The following CD69 variants were observed in gnomAD, a reference collection of about 807,000 sequenced individuals.
CD69 encodes the protein CD69 molecule.
Under a neutral mutation model 21.4 loss-of-function variants are expected in CD69, and 10 were observed. The observed-to-expected ratio is 0.47, with a 90% confidence interval of 0.29 to 0.79. The LOEUF (loss-of-function observed/expected upper bound fraction) is 0.79. Ranked by LOEUF, CD69 falls within the 30% of genes least tolerant of loss-of-function variation. The pLI, the probability that CD69 is intolerant of heterozygous loss-of-function variation, is 0.09. For missense variants in CD69, 204 were observed against 236.9 expected (o/e 0.86, Z 0.91); for synonymous variants, 63 against 78.2 (o/e 0.81, Z 1.03).
intron 1 of CD69, among the ~76,000 whole-genome samples, chr12:9,758,104 G>A (rs1866696982): frequency 6.7e-6 from 1 of 149,872 alleles, no homozygotes. Context: ...GAAGGATTTA[G>A]AATAAAAATA....
Position 9,754,575 on chromosome 12 carries a change from C to T in CD69, c.491+12G>A. ...CACCCTGGGGAATATAAAGAGACTT[C>T]TGGAGACTTACCAGTTGTTAAATTC... On this transcript the variant is annotated intron_variant, in intron 4 of 4. Coordinates refer to ENST00000228434, the MANE Select transcript of CD69 (RefSeq NM_001781.2). The T allele has an allele frequency of 6.6e-7, 1 of 1,506,322 alleles. No homozygotes were observed. Among genetic ancestry groups the T allele is most frequent in the Non-Finnish European group, 9.2e-7 (1 of 1,081,854 alleles). 93.3% of individuals were successfully genotyped at this position (1,506,322 alleles called of 1,614,324 possible).
chr12:9,756,477 A>C, intron 1 of CD69, 58 bp from the exon 2 acceptor site: 1 of 1,385,514 alleles, frequency 7.2e-7, no homozygotes, highest in Non-Finnish European at 9.8e-7. Context: ...CTATAGGAAT[A>C]TGCAACATTC....
rs762487537 is a variant in CD69, at chr12:9,754,636, C to T, written c.442G>A (p.Glu148Lys). ...REEHWVGLKK[E>K]PGHPWKWSNG... is the part of the protein sequence containing the mutation. ...GACCACTTCCATGGGTGACCAGGTT[C>T]CTTTTTCAGTCCAACCCAGTGTTCC... Residue 148 changes from glutamate (E) to lysine (K), a missense_variant, in exon 4 of 5, where the codon GAA (glutamate) becomes AAA (lysine). Coordinates refer to ENST00000228434, the MANE Select transcript of CD69 (RefSeq NM_001781.2). The T allele has an allele frequency of 2.0e-5, 33 of 1,613,046 alleles. No homozygotes were observed. The East Asian group carries it at 7.4e-4, about 36-fold the overall frequency.
At chr12:9,754,799 C>G in intron 3 of CD69, 109 bp from the exon 4 acceptor site, 2 of 788,118 alleles carry the variant, frequency 2.5e-6, no homozygotes, top group Admixed American at 1.9e-5. Context: ...GCTTATCTGA[C>G]CATGTACTCA....
Position 9,753,256 on chromosome 12 carries a change from C to A in CD69, c.*225G>T, listed in dbSNP as rs1231770684. The A allele has an allele frequency of 1.9e-5, 6 of 320,234 alleles. No homozygotes were observed. Among genetic ancestry groups the A allele is most frequent in the Non-Finnish European group, 3.4e-5 (6 of 175,678 alleles). The allele number at this position is 320,234 out of a possible 1,614,324, so 19.8% of individuals were successfully genotyped here. ...ATTCTTGGGCATGGTTATTGGTCAA[C>A]CTGTGATGCTTCTAGCTCATGGCAA... On this transcript the variant is annotated 3_prime_UTR_variant, in exon 5 of 5. Coordinates refer to ENST00000228434, the MANE Select transcript of CD69 (RefSeq NM_001781.2).
At chr12:9,758,062 C>CTTTT (rs58176994) in intron 1 of CD69, among the ~76,000 whole-genome samples, 4 of 149,606 alleles carry the variant, frequency 2.7e-5, no homozygotes, top group South Asian at 2.1e-4. Context: ...AAGTAAAAGC[C>CTTTT]TTTTTTTTTC....
At chr12:9,754,511 C>A in intron 4 of CD69, 76 bp downstream of exon 4, 1 of 833,080 alleles carries the variant, frequency 1.2e-6, no homozygotes, top group Non-Finnish European at 2.1e-6. Context: ...ATTTAAAGTG[C>A]TTTGAAAGGA....
chr12:9,760,825 A>T lies in CD69; in HGVS notation c.-5T>A. On this transcript the variant is annotated 5_prime_UTR_variant, in exon 1 of 5. Transcript: ENST00000228434. ...GAAACAATTTTCAGAGCTCATCTTT[A>T]TTCTCAAGATTCCCTAGTTAATCTC... 1 of 1,608,894 alleles carries T rather than the reference A, an allele frequency of 6.2e-7. No individual in the cohort carries two copies. Among genetic ancestry groups the T allele is most frequent in the South Asian group, 1.1e-5 (1 of 91,032 alleles).
intron 4 of CD69, among the ~76,000 whole-genome samples, chr12:9,753,949 C>T (rs1439212476): frequency 2.0e-5 from 3 of 152,136 alleles, no homozygotes; most frequent in Non-Finnish European, 4.4e-5. Context: ...GTTTATGGCT[C>T]CTGAAGCCCA....
rs199676648 is a variant in CD69, at chr12:9,756,390, G to A, written c.94C>T (p.Arg32Cys). The change falls in exon 2 of 5, where the codon CGT becomes TGT. Residue 32 changes from arginine to cysteine, a missense_variant. Transcript: ENST00000228434. Reference sequence around the variant, plus strand: ...GGAACTTGGAAGGACCCTTCATGACGTGTTGAGAAATGGGGACTGGTGGCA... The same window carrying A: ...GGAACTTGGAAGGACCCTTCATGACATGTTGAGAAATGGGGACTGGTGGCA... Reference protein sequence around the residue: ...NDATSPHFSTRHEGSFQVPVL... With the variant: ...NDATSPHFSTCHEGSFQVPVL... 248 of 1,613,636 alleles carry A rather than the reference G, an allele frequency of 1.5e-4. 1 individual carries two copies. The East Asian group carries it at 2.7e-3, about 17-fold the overall frequency.
At chr12:9,758,863 C>G (rs1866703464) in intron 1 of CD69, among the ~76,000 whole-genome samples, 3 of 152,190 alleles carry the variant, frequency 2.0e-5, no homozygotes, top group South Asian at 2.1e-4. Context: ...CCCATCGGCT[C>G]AACGAGGGAG....
At chr12:9,756,794 C>T (rs753003970) in intron 1 of CD69, among the ~76,000 whole-genome samples, 56 of 152,178 alleles carry the variant, frequency 3.7e-4, no homozygotes, top group East Asian at 9.6e-4. Flanking sequence ...TAAAAAAATT[C>T]TAGGGCATGG....
intron 3 of CD69, 148 bp downstream of exon 3, chr12:9,754,914 T>C: frequency 1.4e-6 from 1 of 731,736 alleles, no homozygotes; most frequent in Non-Finnish European, 2.2e-6. Flanking sequence ...AGGCTGATCA[T>C]ATGGTTCTCT....
At chr12:9,754,812 C>CTA in intron 3 of CD69, 122 bp from the exon 4 acceptor site, 2 of 749,058 alleles carry the variant, frequency 2.7e-6, no homozygotes, top group Non-Finnish European at 4.7e-6. Flanking sequence ...TGTACTCATT[C>CTA]TATATAGGAT....
chr12:9,757,607 A>C (rs1256541418), intron 1 of CD69, among the ~76,000 whole-genome samples: 1 of 152,226 alleles, frequency 6.6e-6, no homozygotes, highest in Non-Finnish European at 1.5e-5. Context: ...ACATGCAACA[A>C]AATGAAGGAA....
chr12:9,755,513 A>G (rs1206552064), intron 2 of CD69, among the ~76,000 whole-genome samples: 2 of 152,246 alleles, frequency 1.3e-5, no homozygotes, highest in Non-Finnish European at 2.9e-5. Context: ...ATGTCAGAAA[A>G]TGACAGAAAT....
intron 4 of CD69, 58 bp downstream of exon 4, chr12:9,754,529 A>G: frequency 1.1e-6 from 1 of 940,750 alleles, no homozygotes. Flanking sequence ...GGAGAAAAGG[A>G]AAGTGATTTT....
intron 4 of CD69, 174 bp downstream of exon 4, chr12:9,754,413 G>T (rs900961648): frequency 1.7e-5 from 8 of 476,228 alleles, no homozygotes; most frequent in East Asian, 3.3e-5. Context: ...TAAAGAAAAA[G>T]AATAATAATA....
chr12:9,756,551 G>T, intron 1 of CD69, 132 bp from the exon 2 acceptor site: 1 of 752,020 alleles, frequency 1.3e-6, no homozygotes, highest in Admixed American at 3.5e-5. Flanking sequence ...TCTCTTTATA[G>T]AAATTTCTAA....
Sources: gnomAD v4.1 joint callset for allele counts (sites outside exome capture counted in the v4.1 genomes callset) on GRCh38, gnomAD v4.1.1 for gene constraint, MANE v1.5 for transcripts, NCBI Gene and HGNC (gene_info 2026-07-23, HGNC 2026-07-21) for gene names.